SEMA3A: variants seen among roughly 807,000 people sequenced by gnomAD.
The protein encoded by SEMA3A is semaphorin 3A.
SEMA3A carries 29 observed loss-of-function variants against 97.9 expected under a neutral mutation model. The observed-to-expected ratio is 0.30, with a 90% CI of 0.22 to 0.40. The LOEUF is 0.40. Among genes scored for constraint, SEMA3A ranks in the 10% least tolerant of loss-of-function variants. The pLI is 1.00. For missense variants in SEMA3A, 763 were observed against 951.3 expected, an observed-to-expected ratio of 0.80 and a Z score of 2.60; for synonymous variants, 321 against 323.7, an observed-to-expected ratio of 0.99 and a Z score of 0.09.
intron 1 of SEMA3A, among the ~76,000 whole-genome samples, chr7:84,418,021 T>C (rs891699255): frequency 6.6e-6 from 1 of 152,146 alleles, no homozygotes; most frequent in Non-Finnish European, 1.5e-5. Context: ...ATTGTTAATA[T>C]TAGGCGTCGC....
chr7:84,243,952 C>T (rs1349849697), intron 3 of SEMA3A, among the ~76,000 whole-genome samples: 19 of 152,000 alleles, frequency 1.3e-4, no homozygotes, highest in Non-Finnish European at 2.2e-4. Flanking sequence ...GTTTACACTG[C>T]GGTCTGAGAG....
intron 1 of SEMA3A, among the ~76,000 whole-genome samples, chr7:84,450,283 A>G (rs555275521): frequency 1.6e-4 from 25 of 152,224 alleles, no homozygotes; most frequent in African/African-American, 4.6e-4. Flanking sequence ...CTGCAGGAGT[A>G]TAGGGCCCCA....
intron 2 of SEMA3A, among the ~76,000 whole-genome samples, chr7:84,330,977 A>G (rs1180924969): frequency 3.3e-5 from 5 of 152,164 alleles, no homozygotes; most frequent in Non-Finnish European, 1.5e-5. Context: ...AAAGAAAGGA[A>G]AGAATCATAC....
chr7:84,033,006 T>C (rs1791814739), intron 6 of SEMA3A, among the ~76,000 whole-genome samples: 1 of 152,098 alleles, frequency 6.6e-6, no homozygotes, highest in African/African-American at 2.4e-5. Context: ...TTGTTTTTCT[T>C]TACTGAGAGC....
At chr7:84,348,913 G>A (rs866213475) in intron 2 of SEMA3A, among the ~76,000 whole-genome samples, 1,200 of 98,778 alleles carry the variant, frequency 0.012, 11 homozygotes, top group Non-Finnish European at 0.019. Context: ...GAAACCGGGT[G>A]GCGGAGGTTG....
At chr7:84,070,595 A>T (rs1793703461) in intron 4 of SEMA3A, among the ~76,000 whole-genome samples, 1 of 152,186 alleles carries the variant, frequency 6.6e-6, no homozygotes, top group African/African-American at 2.4e-5. Context: ...GCATAAAATT[A>T]TGTGAAAACT....
chr7:84,431,766 A>G (rs1804987202), intron 1 of SEMA3A, among the ~76,000 whole-genome samples: 1 of 152,086 alleles, frequency 6.6e-6, no homozygotes, highest in South Asian at 2.1e-4. Context: ...TAACAAGCAT[A>G]TATCAACATT....
intron 12 of SEMA3A, among the ~76,000 whole-genome samples, chr7:84,001,071 T>G (rs1376936153): frequency 8.4e-5 from 4 of 47,852 alleles, no homozygotes; most frequent in Non-Finnish European, 1.5e-4. Flanking sequence ...TAATACGTGT[T>G]TTTTTTTTTT....
intron 4 of SEMA3A, among the ~76,000 whole-genome samples, chr7:84,070,663 T>C (rs1793707516): frequency 6.6e-6 from 1 of 152,024 alleles, no homozygotes; most frequent in Non-Finnish European, 1.5e-5. Flanking sequence ...CAAATGGCAT[T>C]TTCTGCCTTT....
In SEMA3A at chr7:84,148,084, A is replaced by AT. The variant is rs142942034; in HGVS notation, c.113-13134dup. Among the ~76,000 whole-genome samples, 609 of 147,334 alleles carry AT rather than the reference A, an allele frequency of 4.1e-3. 1 individual carries two copies. The highest frequency in any genetic ancestry group is 0.014 in the African/African-American group (564 of 40,464). On this transcript the variant is annotated intron_variant, in intron 1 of 16. Coordinates refer to ENST00000265362, the MANE Select transcript of SEMA3A (RefSeq NM_006080.3). ...GCCACCATGCCTGGTTAATTTTTGT[A>AT]TTTTTTTTTTAGTAGCGACGGGGTT...
At chr7:84,085,501 G>A (rs1456349988) in intron 4 of SEMA3A, among the ~76,000 whole-genome samples, 1 of 151,916 alleles carries the variant, frequency 6.6e-6, no homozygotes, top group African/African-American at 2.4e-5. Context: ...AATAATGATA[G>A]GAACTGAACT....
chr7:84,051,907 G>C (rs78606352), intron 5 of SEMA3A, among the ~76,000 whole-genome samples: 81,785 of 148,018 alleles, frequency 0.55, 24,538 homozygotes, highest in Non-Finnish European at 0.67. Context: ...TTTATTGAGA[G>C]TTTTTAGCAT....
intron 1 of SEMA3A, among the ~76,000 whole-genome samples, chr7:84,445,887 AG>A (rs1362288741): frequency 1.3e-5 from 2 of 152,072 alleles, no homozygotes; most frequent in Admixed American, 6.6e-5. Flanking sequence ...ATAAAAAAAA[AG>A]AATGAAGAAA....
intron 1 of SEMA3A, among the ~76,000 whole-genome samples, chr7:84,424,526 T>A (rs1482928527): frequency 2.2e-5 from 2 of 90,268 alleles, no homozygotes; most frequent in Non-Finnish European, 3.8e-5. Context: ...ATATATGTTA[T>A]ATATAATATA....
intron 2 of SEMA3A, among the ~76,000 whole-genome samples, chr7:84,324,685 G>T (rs1395222748): frequency 1.3e-5 from 2 of 151,948 alleles, no homozygotes; most frequent in African/African-American, 4.8e-5. Context: ...TTTTCAAAGA[G>T]ACTTCAATTT....
intron 5 of SEMA3A, among the ~76,000 whole-genome samples, chr7:84,046,912 T>C (rs534068971): frequency 6.6e-6 from 1 of 152,198 alleles, no homozygotes; most frequent in East Asian, 1.9e-4. Flanking sequence ...TTAAATCTTT[T>C]ATACACTTCT....
intron 2 of SEMA3A, among the ~76,000 whole-genome samples, chr7:84,347,113 T>C (rs2116008955): frequency 6.6e-6 from 1 of 152,320 alleles, no homozygotes; most frequent in Admixed American, 6.5e-5. Flanking sequence ...ATAACTGCTT[T>C]GGAAAACAAG....
At chr7:84,324,389 G>T (rs1486796391) in intron 2 of SEMA3A, among the ~76,000 whole-genome samples, 1 of 152,174 alleles carries the variant, frequency 6.6e-6, no homozygotes, top group Non-Finnish European at 1.5e-5. Flanking sequence ...ATAGAGTCCA[G>T]ATTTGACACT....
intron 1 of SEMA3A, among the ~76,000 whole-genome samples, chr7:84,138,320 AT>A (rs1213118141): frequency 6.6e-6 from 1 of 152,032 alleles, no homozygotes; most frequent in Non-Finnish European, 1.5e-5. Context: ...ATGTTCTTTG[AT>A]TTACACTAAT....
Sources: gnomAD v4.1 joint callset for allele counts (sites outside exome capture counted in the v4.1 genomes callset) on GRCh38, gnomAD v4.1.1 for gene constraint, MANE v1.5 for transcripts, NCBI Gene and HGNC (gene_info 2026-07-23, HGNC 2026-07-21) for gene names.